IFRD1: variants seen among roughly 807,000 people sequenced by gnomAD.
IFRD1 encodes interferon-related developmental regulator 1.
In IFRD1, 35 loss-of-function variants were observed where a neutral mutation model predicts 52.9. The observed-to-expected ratio is 0.66, with a 90% CI of 0.51 to 0.88. The LOEUF is 0.88. Among genes scored for constraint, IFRD1 ranks in the 40% least tolerant of loss-of-function variants. The pLI is 0.00. For synonymous variants in IFRD1, 184 were observed against 188.4 expected, an observed-to-expected ratio of 0.98 and a Z score of 0.19; for missense variants, 517 against 550.8, an observed-to-expected ratio of 0.94 and a Z score of 0.61.
chr7:112,460,577 A>T (rs1016746934), intron 5 of IFRD1, among the ~76,000 whole-genome samples: 1 of 152,050 alleles, frequency 6.6e-6, no homozygotes, highest in Non-Finnish European at 1.5e-5. Flanking sequence ...TTTTTCTTAG[A>T]GTCATCAAAA....
upstream of IFRD1, among the ~76,000 whole-genome samples, chr7:112,449,541 A>G (rs1795098869): frequency 6.6e-6 from 1 of 152,198 alleles, no homozygotes; most frequent in Non-Finnish European, 1.5e-5. Flanking sequence ...TGTCATAAGC[A>G]TAGTATATGA....
chr7:112,426,283 G>T (rs966908841), intron 1 of IFRD1, among the ~76,000 whole-genome samples: 3 of 152,118 alleles, frequency 2.0e-5, no homozygotes, highest in Non-Finnish European at 4.4e-5. Context: ...ATATTCTCCA[G>T]TCTCCCTTGC....
At chr7:112,455,115 C>T (rs1159858940) in intron 1 of IFRD1, among the ~76,000 whole-genome samples, 4 of 151,954 alleles carry the variant, frequency 2.6e-5, no homozygotes, top group Non-Finnish European at 4.4e-5. Context: ...CTGTCCGCCT[C>T]AGCCTCCCAA....
At chr7:112,461,835 AATGTC>A in intron 5 of IFRD1, 26 bp from the exon 6 acceptor site, 1 of 1,142,490 alleles carries the variant, frequency 8.8e-7, no homozygotes, top group Non-Finnish European at 1.3e-6. Context: ...TAAAATCATT[AATGTC>A]TATATATATA....
intron 1 of IFRD1, among the ~76,000 whole-genome samples, chr7:112,443,449 G>A (rs1447906713): frequency 6.6e-6 from 1 of 151,862 alleles, no homozygotes; most frequent in Non-Finnish European, 1.5e-5. Context: ...ACATGCGTCT[G>A]TATCCCAGCT....
intron 5 of IFRD1, among the ~76,000 whole-genome samples, chr7:112,459,394 TTTTTTGTTTTTGGTGCGGTA>T (rs1384113238): frequency 2.0e-5 from 3 of 152,162 alleles, no homozygotes; most frequent in African/African-American, 7.2e-5. Context: ...GGGGGTTTTA[TTTTTTGTTTTTGGTGCGGTA>T]ATAAGTGATA....
intron 8 of IFRD1, among the ~76,000 whole-genome samples, chr7:112,463,164 A>C (rs1300609797): frequency 6.6e-6 from 1 of 152,202 alleles, no homozygotes; most frequent in Non-Finnish European, 1.5e-5. Flanking sequence ...TTTAGAAATG[A>C]GGAGCAGGTT....
At chr7:112,468,916 C>G (rs1010889508) in intron 9 of IFRD1, among the ~76,000 whole-genome samples, 5 of 152,206 alleles carry the variant, frequency 3.3e-5, no homozygotes, top group Non-Finnish European at 5.9e-5. Context: ...AATCCTCAAA[C>G]CTGTTTCAAT....
intron 1 of IFRD1, among the ~76,000 whole-genome samples, chr7:112,454,868 T>TG (rs993628858): frequency 7.0e-6 from 1 of 142,286 alleles, no homozygotes; most frequent in African/African-American, 2.6e-5. Context: ...TTTTTTTTTT[T>TG]TTTTTTTTTT....
chr7:112,457,854 T>A (rs1395988337), intron 4 of IFRD1: 1 of 152,216 alleles, frequency 6.6e-6, no homozygotes, highest in African/African-American at 2.4e-5. Flanking sequence ...AATGCACTTT[T>A]AAAAAATTGA....
chr7:112,452,207 T>A (rs1346962261), intron 1 of IFRD1: 52 of 719,882 alleles, frequency 7.2e-5, no homozygotes, highest in Non-Finnish European at 8.8e-5. Flanking sequence ...TCGCCCAGGC[T>A]GGAGTGCGGT....
chr7:112,457,150 C>A, intron 4 of IFRD1, 112 bp downstream of exon 4: 1 of 1,151,094 alleles, frequency 8.7e-7, no homozygotes, highest in South Asian at 1.2e-5. Context: ...TTAAAATTTT[C>A]TAATAGTCAA....
intron 8 of IFRD1, among the ~76,000 whole-genome samples, chr7:112,463,886 ACACACACACCC>A (rs1207293327): frequency 3.1e-4 from 8 of 25,410 alleles, no homozygotes; most frequent in East Asian, 9.4e-4. Context: ...ACACACACAC[ACACACACACCC>A]CACGTATCTT....
intron 1 of IFRD1, among the ~76,000 whole-genome samples, chr7:112,442,363 G>C (rs1160595157): frequency 6.6e-6 from 1 of 152,212 alleles, no homozygotes; most frequent in Non-Finnish European, 1.5e-5. Context: ...AATATAAGGA[G>C]TATCTCATCA....
chr7:112,452,050 C>T (rs1795178730), intron 1 of IFRD1: 6 of 980,122 alleles, frequency 6.1e-6, no homozygotes, highest in Non-Finnish European at 7.3e-6. Flanking sequence ...TTTTAGGTGC[C>T]TCTTTATTTT....
At chr7:112,445,279 G>A (rs1011315884) in intron 1 of IFRD1, among the ~76,000 whole-genome samples, 5 of 151,810 alleles carry the variant, frequency 3.3e-5, no homozygotes, top group East Asian at 3.9e-4. Context: ...TGTTAGCCAG[G>A]ATGGTCTCGA....
intron 1 of IFRD1, among the ~76,000 whole-genome samples, chr7:112,439,973 A>C (rs193301338): frequency 6.6e-6 from 1 of 152,178 alleles, no homozygotes; most frequent in Admixed American, 6.5e-5. Context: ...GTCTGCAACA[A>C]ATTAATTTCA....
upstream of IFRD1, chr7:112,450,386 C>A: frequency 2.3e-6 from 1 of 440,046 alleles, no homozygotes; most frequent in Non-Finnish European, 4.2e-6. Context: ...GGTTGGGAAG[C>A]GCTCAAGCCC....
chr7:112,433,951 C>T (rs898792787), intron 1 of IFRD1, among the ~76,000 whole-genome samples: 1 of 152,110 alleles, frequency 6.6e-6, no homozygotes, highest in Admixed American at 6.5e-5. Context: ...TCCTGAGTAG[C>T]GGGGACCACA....
Sources: gnomAD v4.1 joint callset for allele counts (sites outside exome capture counted in the v4.1 genomes callset) on GRCh38, gnomAD v4.1.1 for gene constraint, MANE v1.5 for transcripts, NCBI Gene and HGNC (gene_info 2026-07-23, HGNC 2026-07-21) for gene names.